SLC44A5: variants seen among roughly 807,000 people sequenced by gnomAD.
The protein encoded by SLC44A5 is solute carrier family 44 member 5.
SLC44A5 carries 57 observed loss-of-function variants against 101.8 expected under a neutral mutation model. The observed-to-expected ratio is 0.56, with a 90% CI of 0.45 to 0.70. The LOEUF (loss-of-function observed/expected upper bound fraction) is 0.70. Ranked by LOEUF, SLC44A5 falls within the 30% of genes least tolerant of loss-of-function variation. The pLI is 0.00. For synonymous variants in SLC44A5, 281 were observed against 290.9 expected, an observed-to-expected ratio of 0.97 and a Z score of 0.35; for missense variants, 737 against 853.1, an observed-to-expected ratio of 0.86 and a Z score of 1.70.
intron 3 of SLC44A5, among the ~76,000 whole-genome samples, chr1:75,364,900 T>G (rs1659750980): frequency 6.6e-6 from 1 of 152,118 alleles, no homozygotes; most frequent in South Asian, 2.1e-4. Flanking sequence ...TTTGTTCACT[T>G]ATTGTATTTT....
chr1:75,310,032 T>C (rs1379583938), intron 4 of SLC44A5, among the ~76,000 whole-genome samples: 1 of 152,296 alleles, frequency 6.6e-6, no homozygotes. Flanking sequence ...AGACAAACTT[T>C]GTAGAGGTTT....
intron 3 of SLC44A5, among the ~76,000 whole-genome samples, chr1:75,369,405 C>A (rs546090629): frequency 7.2e-5 from 11 of 152,178 alleles, no homozygotes; most frequent in Non-Finnish European, 1.5e-4. Context: ...CTATCTACTG[C>A]ATTTTTATTT....
chr1:75,217,714 C>A, intron 18 of SLC44A5, 152 bp downstream of exon 18: 1 of 610,856 alleles, frequency 1.6e-6, no homozygotes. Flanking sequence ...ACTCCTTCAG[C>A]AAGCTCTCTC....
chr1:75,700,117 G>C, the SLC44A5 span, among the ~76,000 whole-genome samples: 1 of 152,038 alleles, frequency 6.6e-6, no homozygotes, highest in African/African-American at 2.4e-5. Context: ...AGTTAACAAG[G>C]ATATCCAGGA....
intron 1 of SLC44A5, among the ~76,000 whole-genome samples, chr1:75,579,886 A>T (rs1024270406): frequency 7.9e-5 from 12 of 151,746 alleles, no homozygotes; most frequent in South Asian, 2.1e-4. Flanking sequence ...GAGATTTTTT[A>T]AAAAAGTAAT....
intron 4 of SLC44A5, among the ~76,000 whole-genome samples, chr1:75,333,641 A>T (rs1657222965): frequency 6.6e-6 from 1 of 152,150 alleles, no homozygotes; most frequent in African/African-American, 2.4e-5. Context: ...CAAACTAAAG[A>T]AAGTTTCTCC....
chr1:75,341,242 T>C (rs1657854794), intron 3 of SLC44A5, among the ~76,000 whole-genome samples: 1 of 152,212 alleles, frequency 6.6e-6, no homozygotes, highest in African/African-American at 2.4e-5. Context: ...GGCTCACACC[T>C]ATAATCCTAG....
chr1:75,556,073 G>A (rs1421848402), intron 1 of SLC44A5, among the ~76,000 whole-genome samples: 2 of 151,482 alleles, frequency 1.3e-5, no homozygotes, highest in African/African-American at 4.9e-5. Context: ...AGGAGGGGAT[G>A]GAGAGTGATG....
chr1:75,665,976 C>T, the SLC44A5 span, among the ~76,000 whole-genome samples: 3 of 152,010 alleles, frequency 2.0e-5, no homozygotes, highest in Non-Finnish European at 4.4e-5. Flanking sequence ...ACAAGAGATG[C>T]TGTTGAGGCT....
At chr1:75,656,580 T>C in the SLC44A5 span, among the ~76,000 whole-genome samples, 1 of 151,902 alleles carries the variant, frequency 6.6e-6, no homozygotes, top group South Asian at 2.1e-4. Context: ...TTATTCATGA[T>C]TAAAGTTGCC....
At chr1:75,641,415 G>T in the SLC44A5 span, 1 of 1,090,266 alleles carries the variant, frequency 9.2e-7, no homozygotes, top group Non-Finnish European at 1.4e-6. Flanking sequence ...ACATTGCTTT[G>T]TGGAGAATAA....
chr1:75,591,223 G>A (rs991577689), intron 1 of SLC44A5, among the ~76,000 whole-genome samples: 4 of 152,188 alleles, frequency 2.6e-5, no homozygotes, highest in African/African-American at 9.7e-5. Context: ...GCCTTCGGGT[G>A]CCCCCTAAGG....
chr1:75,648,580 C>T, the SLC44A5 span, among the ~76,000 whole-genome samples: 763 of 152,088 alleles, frequency 5.0e-3, 10 homozygotes, highest in East Asian at 0.014. Context: ...CAGAGAGTGA[C>T]CTTCCTAGAT....
chr1:75,222,756 G>T (rs1309184871), intron 13 of SLC44A5, among the ~76,000 whole-genome samples: 1 of 152,180 alleles, frequency 6.6e-6, no homozygotes, highest in Non-Finnish European at 1.5e-5. Flanking sequence ...AATGGAAAAA[G>T]GGAAGGGCTG....
intron 2 of SLC44A5, among the ~76,000 whole-genome samples, chr1:75,507,077 A>AT (rs1429287016): frequency 6.6e-6 from 1 of 151,788 alleles, no homozygotes; most frequent in African/African-American, 2.4e-5. Context: ...TAATTTTTGC[A>AT]TTTTTTGTAG....
intron 10 of SLC44A5, among the ~76,000 whole-genome samples, chr1:75,238,194 C>G (rs184919148): frequency 1.3e-5 from 2 of 148,178 alleles, no homozygotes; most frequent in East Asian, 4.0e-4. Flanking sequence ...AGTCAGGAGG[C>G]TGGGGAAGGA....
chr1:75,499,813 G>A (rs1425875485), intron 2 of SLC44A5, among the ~76,000 whole-genome samples: 1 of 152,152 alleles, frequency 6.6e-6, no homozygotes, highest in East Asian at 1.9e-4. Flanking sequence ...CACTATGGCA[G>A]AGAATAGCTG....
intron 3 of SLC44A5, chr1:75,357,300 A>G (rs1361468073): frequency 2.2e-6 from 1 of 446,600 alleles, no homozygotes; most frequent in Non-Finnish European, 4.5e-6. Context: ...GCAGCCTGTG[A>G]TACTATTCAT....
At chr1:75,311,516 TCAACTTACATAACAGGTAC>T (rs1655297124) in intron 4 of SLC44A5, 1 of 980,596 alleles carries the variant, frequency 1.0e-6, no homozygotes, top group Non-Finnish European at 1.2e-6. Context: ...GCACTACAAT[TCAACTTACATAACAGGTAC>T]CAGCTCCTAC....
Sources: allele counts gnomAD v4.1 joint callset (sites outside exome capture counted in the v4.1 genomes callset), GRCh38; gene constraint gnomAD v4.1.1; transcripts MANE v1.5; gene names NCBI Gene and HGNC (gene_info 2026-07-23, HGNC 2026-07-21).